The following NUP42 variants were observed in gnomAD, a reference collection of about 807,000 sequenced individuals.
NUP42 encodes the protein nucleoporin NUP42.
NUP42 carries 47 observed loss-of-function variants against 35.9 expected under a neutral mutation model. The observed-to-expected ratio is 1.31, with a 90% confidence interval of 1.04 to 1.67. The LOEUF (loss-of-function observed/expected upper bound fraction) is 1.67. NUP42 is among the 40% of genes most tolerant of loss of function. The probability of loss-of-function intolerance (pLI) is 0.00; values close to 1 mark genes in which losing one functional copy is unlikely to be tolerated. For synonymous variants in NUP42, 173 were observed against 173.3 expected, an observed-to-expected ratio of 1.00 and a Z score of 0.01; for missense variants, 514 against 492.2, an observed-to-expected ratio of 1.04 and a Z score of -0.42.
In NUP42 at chr7:23,187,111, T is replaced by C. The variant is rs747346359; in HGVS notation, c.410T>C (p.Val137Ala). 1 of 1,610,460 alleles carries C rather than the reference T, an allele frequency of 6.2e-7. No homozygotes were observed. The highest frequency in any genetic ancestry group is 8.5e-7 in the Non-Finnish European group (1 of 1,178,304). The change falls in exon 3 of 7, where the codon GTT becomes GCT. Residue 137 changes from valine to alanine, a missense_variant. Coordinates refer to ENST00000258742, the MANE Select transcript of NUP42 (RefSeq NM_007342.3). ...WESSGQWMFS[V>A]YSPVKKKPNI... The stretch of plus-strand genomic sequence containing the variant: ...TCATCAGGGCAGTGGATGTTTTCTG[T>C]TTATTCACCAGTGAAAAAGAAACCT...
chr7:23,185,926 G>A (rs997468251), intron 2 of NUP42, among the ~76,000 whole-genome samples: 1 of 152,042 alleles, frequency 6.6e-6, no homozygotes, highest in Non-Finnish European at 1.5e-5. Flanking sequence ...TTTTAGTAGA[G>A]ATAGGGTTTT....
intron 1 of NUP42, among the ~76,000 whole-genome samples, chr7:23,182,913 A>G (rs1785465076): frequency 6.6e-6 from 1 of 151,444 alleles, no homozygotes; most frequent in African/African-American, 2.4e-5. Context: ...GACTATCAAA[A>G]AAAAAAAAAG....
intron 3 of NUP42, among the ~76,000 whole-genome samples, chr7:23,191,518 A>G (rs1362640482): frequency 1.3e-5 from 2 of 152,230 alleles, no homozygotes; most frequent in South Asian, 4.1e-4. Context: ...CTGAGAGGTC[A>G]GTAAAGATGG....
intron 5 of NUP42, among the ~76,000 whole-genome samples, chr7:23,197,922 C>T (rs966351430): frequency 7.9e-5 from 12 of 151,668 alleles, no homozygotes; most frequent in Non-Finnish European, 1.8e-4. Flanking sequence ...TGATAGAAAG[C>T]AGACAGAGTG....
chr7:23,200,500 G>A lies in NUP42; in HGVS notation c.1027G>A (p.Ala343Thr), dbSNP rs1252311036. 1.2e-6 allele frequency: 2 copies of A among 1,614,088 alleles called. No homozygotes were observed. Among genetic ancestry groups the A allele is most frequent in the Non-Finnish European group, 1.7e-6 (2 of 1,179,934 alleles). Residue 343 changes from alanine (A) to threonine (T), a missense_variant, in exon 7 of 7, where the codon GCT (alanine) becomes ACT (threonine). Transcript: ENST00000258742. ...AGCCTTTGGAGGTGGCAGTTCTGTGGCTGGTTTTGGTAGTCCGGGCTCACA... is the reference window on the plus strand; with the variant it reads ...AGCCTTTGGAGGTGGCAGTTCTGTGACTGGTTTTGGTAGTCCGGGCTCACA... ...APAFGGGSSV[A>T]GFGSPGSHSH...
At chr7:23,191,821 A>G (rs2128473751) in intron 3 of NUP42, among the ~76,000 whole-genome samples, 1 of 152,150 alleles carries the variant, frequency 6.6e-6, no homozygotes, top group South Asian at 2.1e-4. Flanking sequence ...CCCTGTCTCT[A>G]CCAGGGTGTG....
At chr7:23,187,280 C>T (rs542100993) in intron 3 of NUP42, 134 bp downstream of exon 3, 34 of 590,316 alleles carry the variant, frequency 5.8e-5, no homozygotes, top group African/African-American at 4.3e-4. Context: ...TTAAAGTATT[C>T]GAGTATTCTA....
Position 23,200,384 on chromosome 7 carries a change from A to G in NUP42, c.911A>G (p.Lys304Arg). Residue 304 changes from lysine to arginine, a missense_variant, in exon 7 of 7, where the codon AAA becomes AGA. Lys to Arg is a conservative substitution (Grantham distance 26). Transcript: ENST00000258742. ...EVTSAASFSF[K>R]SPAASSFGSP... ...ACATCGGCTGCATCATTTTCATTCA[A>G]AAGCCCTGCAGCTTCCAGTTTTGGA... is the stretch of plus-strand genomic sequence containing the variant. 2.5e-6 allele frequency: 4 copies of G among 1,614,038 alleles called. No homozygotes were observed. Among genetic ancestry groups the G allele is most frequent in the Non-Finnish European group, 3.4e-6 (4 of 1,179,980 alleles).
chr7:23,198,644 A>G (rs959991325), intron 5 of NUP42, among the ~76,000 whole-genome samples: 4 of 152,252 alleles, frequency 2.6e-5, no homozygotes, highest in South Asian at 2.1e-4. Context: ...AGCAGAGATG[A>G]AAGACATTTC....
intron 3 of NUP42, chr7:23,187,939 T>C: frequency 5.0e-6 from 2 of 401,730 alleles, no homozygotes; most frequent in South Asian, 4.6e-5. Context: ...ATTCTCTGTC[T>C]CTCTCTCTCT....
chr7:23,187,041 C>A lies in NUP42; in HGVS notation c.351-11C>A, dbSNP rs200255851. 47 of 1,283,396 alleles carry A rather than the reference C, an allele frequency of 3.7e-5. No homozygotes were observed. The highest frequency in any genetic ancestry group is 8.6e-5 in the African/African-American group (5 of 57,822). 79.5% of individuals were successfully genotyped at this position (1,283,396 alleles called of 1,614,324 possible). The stretch of plus-strand genomic sequence containing the variant: ...GATCCTTTACTCTTTTTTTTTTTTT[C>A]TTTTTTGCAGGGAAGGAATTGTAAA... On this transcript the variant is annotated splice_polypyrimidine_tract_variant and intron_variant, in intron 2 of 6. Transcript: ENST00000258742.
chr7:23,199,351 C>T (rs1786126039), intron 5 of NUP42, 107 bp from the exon 6 acceptor site: 1 of 902,210 alleles, frequency 1.1e-6, no homozygotes, highest in East Asian at 2.5e-5. Flanking sequence ...CACACCCAGC[C>T]TTTAATGCAC....
In NUP42 at chr7:23,185,151, C is replaced by T. The variant is rs751967619; in HGVS notation, c.203C>T (p.Pro68Leu). ...IQPSSFSKST[P>L]WGGSRDQEKP... ...CCATCCAGTTTCTCCAAATCCACAC[C>T]ATGGGGGGGCAGCAGAGATCAAGAA... Residue 68 changes from proline to leucine, a missense_variant, in exon 2 of 7, where the codon CCA becomes CTA. Coordinates refer to ENST00000258742, the MANE Select transcript of NUP42 (RefSeq NM_007342.3). The T allele has an allele frequency of 6.2e-7, 1 of 1,614,132 alleles. No homozygotes were observed. The highest frequency in any genetic ancestry group is 2.2e-5 in the East Asian group (1 of 44,880).
At chr7:23,189,080 A>G (rs1785700772) in intron 3 of NUP42, among the ~76,000 whole-genome samples, 1 of 152,228 alleles carries the variant, frequency 6.6e-6, no homozygotes, top group Non-Finnish European at 1.5e-5. Flanking sequence ...CCCAAGTGTG[A>G]TGAACAATCT....
rs1172738995 is a variant in NUP42, at chr7:23,198,205, C to CTTTTTTTTTTT, written c.610-1238_610-1228dup. On this transcript the variant is annotated intron_variant, in intron 5 of 6. Coordinates refer to ENST00000258742, the MANE Select transcript of NUP42 (RefSeq NM_007342.3). ...TTGCAGTCTCAAAAACAAAAGCATTCTTTTTTTTTTTTTTTTTTTTTTTTT... is the reference window on the plus strand; with the variant it reads ...TTGCAGTCTCAAAAACAAAAGCATTCTTTTTTTTTTTTTTTTTTTTTTTTTTTTTTTTTTTT... The CTTTTTTTTTTT allele has an allele frequency of 2.0e-4, 15 of 73,676 alleles. 1 individual carries two copies. Among genetic ancestry groups the CTTTTTTTTTTT allele is most frequent in the African/African-American group, 9.2e-4 (15 of 16,392 alleles). The allele number at this position is 73,676 out of a possible 1,614,324, so 4.6% of individuals were successfully genotyped here.
At chr7:23,183,042 C>G (rs1314776207) in intron 1 of NUP42, among the ~76,000 whole-genome samples, 2 of 152,014 alleles carry the variant, frequency 1.3e-5, no homozygotes, top group African/African-American at 4.8e-5. Flanking sequence ...TAAGGGCTAT[C>G]CGGGAGGTGA....
chr7:23,184,764 G>C (rs1666209204), intron 1 of NUP42, among the ~76,000 whole-genome samples: 1 of 152,126 alleles, frequency 6.6e-6, no homozygotes, highest in African/African-American at 2.4e-5. Flanking sequence ...CAGCACTTTG[G>C]GAGGCTGAGG....
Position 23,199,555 on chromosome 7 carries a change from G to A in NUP42, c.694+13G>A. 6.2e-7 allele frequency: 1 copy of A among 1,601,176 alleles called. No homozygotes were observed. Among genetic ancestry groups the A allele is most frequent in the Non-Finnish European group, 8.6e-7 (1 of 1,168,540 alleles). On this transcript the variant is annotated intron_variant, in intron 6 of 6. Coordinates refer to ENST00000258742, the MANE Select transcript of NUP42 (RefSeq NM_007342.3). Reference sequence around the variant, plus strand: ...TTTATGTCGCCAGGTAAGTGATAAAGTAATGCAGGACTTCACTGATTTAGA... The same window carrying A: ...TTTATGTCGCCAGGTAAGTGATAAAATAATGCAGGACTTCACTGATTTAGA...
At chr7:23,188,392 G>A (rs1785677796) in intron 3 of NUP42, 1 of 983,006 alleles carries the variant, frequency 1.0e-6, no homozygotes, top group Admixed American at 6.2e-5. Context: ...AATAAACTAA[G>A]ATAATTTCAG....
Sources: allele counts gnomAD v4.1 joint callset (sites outside exome capture counted in the v4.1 genomes callset), GRCh38; gene constraint gnomAD v4.1.1; transcripts MANE v1.5; gene names NCBI Gene and HGNC (gene_info 2026-07-23, HGNC 2026-07-21).